PDE4D: variants seen among roughly 807,000 people sequenced by gnomAD.
The protein encoded by PDE4D is 3',5'-cyclic-AMP phosphodiesterase 4D.
Under a neutral mutation model 87.4 loss-of-function variants are expected in PDE4D, and 24 were observed. The ratio of observed to expected loss-of-function variants is 0.27; its 90% confidence interval spans 0.20 to 0.39. The LOEUF is 0.39. Among genes scored for constraint, PDE4D ranks in the 10% least tolerant of loss-of-function variants. The pLI is 1.00. For synonymous variants in PDE4D, 384 were observed against 383.2 expected (o/e 1.00, Z -0.02); for missense variants, 714 against 1,041.0 (o/e 0.69, Z 4.32).
intron 1 of PDE4D, among the ~76,000 whole-genome samples, chr5:59,479,405 G>A (rs1457984016): frequency 2.0e-5 from 3 of 152,010 alleles, no homozygotes. Context: ...CTAGATTTCA[G>A]ACTAGTTACC....
chr5:60,087,233 T>C (rs570787010), intron 2 of PDE4D, among the ~76,000 whole-genome samples: 40 of 152,218 alleles, frequency 2.6e-4, no homozygotes, highest in African/African-American at 8.2e-4. Flanking sequence ...CAGGCCAACA[T>C]TGAAGTTTCA....
At chr5:59,371,097 C>A (rs923819483) in intron 1 of PDE4D, among the ~76,000 whole-genome samples, 3 of 152,062 alleles carry the variant, frequency 2.0e-5, no homozygotes, top group African/African-American at 7.2e-5. Flanking sequence ...ATATGGGGCC[C>A]AAGACAATTC....
chr5:59,712,393 C>CACATATATATATAT (rs1491588692), intron 1 of PDE4D, among the ~76,000 whole-genome samples: 3 of 122,594 alleles, frequency 2.4e-5, no homozygotes, highest in African/African-American at 9.3e-5. Flanking sequence ...TAATATTATT[C>CACATATATATATAT]ATATATATAT....
chr5:59,026,250 T>A (rs1232196493), intron 6 of PDE4D, among the ~76,000 whole-genome samples: 1 of 152,194 alleles, frequency 6.6e-6, no homozygotes, highest in African/African-American at 2.4e-5. Flanking sequence ...ATCTAGCATA[T>A]ACTATGATAA....
At chr5:59,748,111 C>G (rs546904128) in intron 1 of PDE4D, among the ~76,000 whole-genome samples, 1 of 152,328 alleles carries the variant, frequency 6.6e-6, no homozygotes, top group African/African-American at 2.4e-5. Flanking sequence ...CCTCCAGATA[C>G]TCACAACTTT....
At chr5:58,976,995 C>T (rs913416884) in intron 12 of PDE4D, among the ~76,000 whole-genome samples, 196 bp downstream of exon 12, 1 of 152,162 alleles carries the variant, frequency 6.6e-6, no homozygotes, top group Admixed American at 6.5e-5. Context: ...ACATTATTCT[C>T]AAGTCCAAAC....
chr5:59,779,711 T>C (rs1219506080), intron 1 of PDE4D, among the ~76,000 whole-genome samples: 1 of 152,224 alleles, frequency 6.6e-6, no homozygotes, highest in African/African-American at 2.4e-5. Flanking sequence ...AATAGTATGG[T>C]TATTTCATAT....
At chr5:59,229,960 G>A (rs1176699583) in intron 1 of PDE4D, among the ~76,000 whole-genome samples, 2 of 152,008 alleles carry the variant, frequency 1.3e-5, no homozygotes, top group Admixed American at 6.6e-5. Context: ...CACCATGCCT[G>A]GCTAATTTTG....
chr5:59,478,348 T>C (rs1260895009), intron 1 of PDE4D, among the ~76,000 whole-genome samples: 1 of 152,074 alleles, frequency 6.6e-6, no homozygotes, highest in Non-Finnish European at 1.5e-5. Flanking sequence ...AGCACGGATT[T>C]GAGGTTTATA....
intron 1 of PDE4D, among the ~76,000 whole-genome samples, chr5:60,395,405 C>T (rs1306321096): frequency 6.6e-6 from 1 of 152,002 alleles, no homozygotes; most frequent in African/African-American, 2.4e-5. Context: ...GTCCATAGCT[C>T]CTGATAAAAG....
At chr5:59,921,060 G>T (rs1048413656) in intron 3 of PDE4D, among the ~76,000 whole-genome samples, 1 of 152,138 alleles carries the variant, frequency 6.6e-6, no homozygotes, top group Non-Finnish European at 1.5e-5. Context: ...ATTAAGTACG[G>T]TAATGGGTGT....
chr5:59,785,910 G>A (rs1383950522), intron 1 of PDE4D, among the ~76,000 whole-genome samples: 1 of 151,806 alleles, frequency 6.6e-6, no homozygotes, highest in Non-Finnish European at 1.5e-5. Flanking sequence ...GTTTCATATG[G>A]TTGGTCAGGT....
At chr5:59,677,729 G>A (rs1421508261) in intron 1 of PDE4D, among the ~76,000 whole-genome samples, 1 of 152,076 alleles carries the variant, frequency 6.6e-6, no homozygotes, top group South Asian at 2.1e-4. Context: ...AAATAGAAAG[G>A]GTTTCCGAAT....
chr5:59,917,470 A>G (rs562536784), intron 3 of PDE4D, among the ~76,000 whole-genome samples: 17 of 152,336 alleles, frequency 1.1e-4, no homozygotes. Flanking sequence ...AAGAGCTACA[A>G]GAGGTAGTGA....
chr5:60,207,058 T>C (rs957705004), intron 1 of PDE4D, among the ~76,000 whole-genome samples: 1 of 152,150 alleles, frequency 6.6e-6, no homozygotes, highest in Admixed American at 6.5e-5. Context: ...ATCTTACAGA[T>C]AGGTCCATAA....
intron 1 of PDE4D, among the ~76,000 whole-genome samples, chr5:60,302,821 T>A (rs564135829): frequency 6.6e-6 from 1 of 151,836 alleles, no homozygotes; most frequent in Non-Finnish European, 1.5e-5. Flanking sequence ...AAATTTTGGT[T>A]TTTTGTTTTG....
intron 2 of PDE4D, among the ~76,000 whole-genome samples, chr5:60,074,228 T>C (rs762445470): frequency 6.6e-6 from 1 of 152,206 alleles, no homozygotes; most frequent in African/African-American, 2.4e-5. Context: ...TATTTTATCT[T>C]TGTTCTCATT....
At chr5:59,276,825 G>A (rs576914414) in intron 1 of PDE4D, among the ~76,000 whole-genome samples, 3 of 151,670 alleles carry the variant, frequency 2.0e-5, no homozygotes, top group Admixed American at 6.6e-5. Context: ...TTATTATTTC[G>A]AAGGCCAAAA....
chr5:59,419,212 GTCTAATGTAC>G (rs1397575373), intron 1 of PDE4D, among the ~76,000 whole-genome samples: 2 of 152,090 alleles, frequency 1.3e-5, no homozygotes, highest in Non-Finnish European at 2.9e-5. Context: ...TAGGTGTTTG[GTCTAATGTAC>G]TCCTAGAGGA....
Sources: allele counts gnomAD v4.1 joint callset (sites outside exome capture counted in the v4.1 genomes callset), GRCh38; gene constraint gnomAD v4.1.1; transcripts MANE v1.5; gene names NCBI Gene and HGNC (gene_info 2026-07-23, HGNC 2026-07-21).